The following MPHOSPH9 variants were observed in gnomAD, a reference collection of about 807,000 sequenced individuals.
MPHOSPH9 encodes M-phase phosphoprotein 9.
MPHOSPH9 carries 88 observed loss-of-function variants against 145.5 expected under a neutral mutation model. The ratio of observed to expected loss-of-function variants is 0.60; its 90% CI spans 0.51 to 0.72. The LOEUF (loss-of-function observed/expected upper bound fraction) is 0.72, where lower values mean the gene tolerates loss of function less well. Ranked by LOEUF, MPHOSPH9 falls within the 30% of genes least tolerant of loss-of-function variation. The pLI is 0.00. For missense variants in MPHOSPH9, 1,238 were observed against 1,386.6 expected, an observed-to-expected ratio of 0.89 and a Z score of 1.70; for synonymous variants, 435 against 486.2, an observed-to-expected ratio of 0.89 and a Z score of 1.39.
chr12:123,191,573 A>C (rs1331801062), intron 13 of MPHOSPH9, among the ~76,000 whole-genome samples: 1 of 152,188 alleles, frequency 6.6e-6, no homozygotes, highest in African/African-American at 2.4e-5. Context: ...GATCACAGGC[A>C]TGAGCCATCA....
chr12:123,193,553 AAGG>A (rs1169957333), intron 13 of MPHOSPH9, among the ~76,000 whole-genome samples: 1 of 152,024 alleles, frequency 6.6e-6, no homozygotes, highest in African/African-American at 2.4e-5. Context: ...AGAAGGCTGA[AAGG>A]AGAATGCTTG....
rs555615606 is a variant in MPHOSPH9, at chr12:123,169,832, T to C, written c.2457-3043A>G. Among the ~76,000 whole-genome samples the C allele has an allele frequency of 1.8e-3, 269 of 151,954 alleles. 3 individuals carry two copies. The South Asian group carries it at 0.023, about 13-fold the overall frequency. On this transcript the variant is annotated intron_variant, in intron 16 of 23. Coordinates refer to ENST00000606320, the MANE Select transcript of MPHOSPH9 (RefSeq NM_022782.4). ...GCCAAACTCCTAACCTTAAGTGATCTGCCCACCTTGGCCTCCCAAAGTGCT... is the reference window on the plus strand; with the variant it reads ...GCCAAACTCCTAACCTTAAGTGATCCGCCCACCTTGGCCTCCCAAAGTGCT...
In MPHOSPH9 at chr12:123,165,262, G is replaced by T. The variant is rs2044268510; in HGVS notation, c.2767+40C>A. On this transcript the variant is annotated intron_variant, in intron 18 of 23. Transcript: ENST00000606320. ...ACGAAGGTAATATAAATGGGGAAAA[G>T]ATATCTATATCCATCTATCTCAAAC... is the stretch of plus-strand genomic sequence containing the variant. 5 of 1,498,642 alleles carry T rather than the reference G, an allele frequency of 3.3e-6. No individual in the cohort carries two copies. The South Asian group carries it at 5.0e-5, about 15-fold the overall frequency. The allele number at this position is 1,498,642 out of a possible 1,614,324, so 92.8% of individuals were successfully genotyped here. A position where few individuals can be genotyped will look rare whatever the true frequency, so the allele number is the denominator to read the frequency against.
At chr12:123,227,913 C>T (rs1337872579) in intron 2 of MPHOSPH9, among the ~76,000 whole-genome samples, 1 of 152,194 alleles carries the variant, frequency 6.6e-6, no homozygotes, top group Non-Finnish European at 1.5e-5. Context: ...AGATTAATTT[C>T]CAGCTTCTCT....
rs1337618368 is a variant in MPHOSPH9 at position 123,221,382 on chromosome 12, T to G, written c.862A>C (p.Lys288Gln). The change falls in exon 5 of 24, where the codon AAA becomes CAA. Residue 288 changes from lysine (K) to glutamine (Q), a missense_variant. By Grantham distance (53) the Lys-to-Gln change is moderately conservative (BLOSUM62 1). Coordinates refer to ENST00000606320, the MANE Select transcript of MPHOSPH9 (RefSeq NM_022782.4). ...ENKVSEVYSG[K>Q]TNSNAITSWA... is the part of the protein sequence containing the mutation. ...AGAAATTCTACTTACCTATTTGTTT[T>G]CCCACTGTATACTTCAGAAACCTTA... 6.3e-7 allele frequency: 1 copy of G among 1,578,840 alleles called. No homozygotes were observed. Among genetic ancestry groups the G allele is most frequent in the Admixed American group, 2.0e-5 (1 of 51,004 alleles).
Position 123,202,188 on chromosome 12 carries a change from A to G in MPHOSPH9, c.1913T>C (p.Ile638Thr). 1 of 1,610,466 alleles carries G rather than the reference A, an allele frequency of 6.2e-7. No homozygotes were observed. Among genetic ancestry groups the G allele is most frequent in the Non-Finnish European group, 8.5e-7 (1 of 1,179,108 alleles). The part of the protein sequence containing the change: ...KEISGVEDWK[I>T]TNQILVDRCG... ...CCTGTCTACAAGAATTTGATTGGTT[A>G]TCTTCCAATCTTCAACTCCAGAGAT... The change falls in exon 11 of 24, where the codon ATA (isoleucine) becomes ACA (threonine). Residue 638 changes from isoleucine to threonine, a missense_variant. This residue lies in a region of MPHOSPH9 where 837 missense variants were observed against 897.5 expected (regional missense o/e 0.93). Transcript: ENST00000606320.
At chr12:123,182,160 T>C (rs1481423447) in intron 13 of MPHOSPH9, among the ~76,000 whole-genome samples, 1 of 151,334 alleles carries the variant, frequency 6.6e-6, no homozygotes, top group Non-Finnish European at 1.5e-5. Context: ...AGGATGGTCT[T>C]GATCTCTTGA....
upstream of MPHOSPH9, among the ~76,000 whole-genome samples, chr12:123,235,159 C>T (rs2047825001): frequency 6.6e-6 from 1 of 152,172 alleles, no homozygotes. Flanking sequence ...TTAGTGACCA[C>T]TAAGTACTTT....
chr12:123,218,926 C>T (rs1565966616), intron 5 of MPHOSPH9, among the ~76,000 whole-genome samples: 2 of 151,566 alleles, frequency 1.3e-5, no homozygotes, highest in Admixed American at 6.6e-5. Flanking sequence ...TTTTAGAGAC[C>T]CTCTCTGTCA....
intron 4 of MPHOSPH9, 24 bp downstream of exon 4, chr12:123,223,014 G>A: frequency 7.2e-7 from 1 of 1,393,864 alleles, no homozygotes; most frequent in Non-Finnish European, 9.7e-7. Context: ...ATAAAAAAAG[G>A]AATCAATGTA....
upstream of MPHOSPH9, among the ~76,000 whole-genome samples, chr12:123,234,184 G>A (rs1418649117): frequency 6.6e-6 from 1 of 152,122 alleles, no homozygotes; most frequent in Non-Finnish European, 1.5e-5. Context: ...ACATTCTTCA[G>A]CATAGTTAAC....
chr12:123,213,512 ACTCTTTTGTAGAGATGGGGT>A (rs2046833864), intron 7 of MPHOSPH9, among the ~76,000 whole-genome samples: 1 of 151,158 alleles, frequency 6.6e-6, no homozygotes, highest in African/African-American at 2.4e-5. Flanking sequence ...TAATTTTTTG[ACTCTTTTGTAGAGATGGGGT>A]CTCAACTTGT....
chr12:123,172,902 G>C (rs1439042905), intron 16 of MPHOSPH9, among the ~76,000 whole-genome samples: 1 of 18,946 alleles, frequency 5.3e-5, no homozygotes, highest in Non-Finnish European at 2.7e-4. Context: ...TTTTTTTTGA[G>C]ACAGAGCGGT....
At chr12:123,217,174 G>A (rs773468714) in intron 6 of MPHOSPH9, among the ~76,000 whole-genome samples, 138 of 151,610 alleles carry the variant, frequency 9.1e-4, no homozygotes, top group Non-Finnish European at 1.5e-3. Context: ...TCACAATTTG[G>A]ATTATAATTC....
intron 8 of MPHOSPH9, among the ~76,000 whole-genome samples, chr12:123,208,124 A>G (rs1359395331): frequency 6.7e-6 from 1 of 148,228 alleles, no homozygotes; most frequent in African/African-American, 2.5e-5. Flanking sequence ...AGGCTGAGGC[A>G]GGAGAATCAC....
intron 14 of MPHOSPH9, 64 bp from the exon 15 acceptor site, chr12:123,180,054 T>C (rs2045057594): frequency 3.3e-6 from 3 of 902,808 alleles, no homozygotes; most frequent in Middle Eastern, 5.2e-4. Flanking sequence ...TATTTTAAAA[T>C]GCATAAAAGA....
At chr12:123,226,916 C>T (rs1013863325) in intron 3 of MPHOSPH9, among the ~76,000 whole-genome samples, 3 of 152,176 alleles carry the variant, frequency 2.0e-5, no homozygotes, top group East Asian at 3.8e-4. Flanking sequence ...GGATTACAGG[C>T]GTGAGCCACT....
rs35626958 is a variant in MPHOSPH9 at position 123,208,188 on chromosome 12, C to CA, written c.1194+1867dup. ...TAAGTGACAGACTGAGACTCCGTCT[C>CA]AAAAAAAAAAAAAAAAAAAAATTTT... On this transcript the variant is annotated intron_variant, in intron 8 of 23. Coordinates refer to ENST00000606320, the MANE Select transcript of MPHOSPH9 (RefSeq NM_022782.4). Among the ~76,000 whole-genome samples the CA allele has an allele frequency of 8.7e-3, 738 of 85,012 alleles. 14 individuals are homozygous for CA. The highest frequency in any genetic ancestry group is 0.026 in the African/African-American group (570 of 22,286). The allele number at this position is 85,012 out of a possible 152,430, so 55.8% of individuals were successfully genotyped here. A position where few individuals can be genotyped will look rare whatever the true frequency, so the allele number is the denominator to read the frequency against.
chr12:123,204,850 T>C (rs1188153756), intron 8 of MPHOSPH9, among the ~76,000 whole-genome samples: 1 of 152,056 alleles, frequency 6.6e-6, no homozygotes, highest in Non-Finnish European at 1.5e-5. Context: ...ACTCCTTCAC[T>C]CTAGCCTGGG....
Sources: gnomAD v4.1 joint callset for allele counts (sites outside exome capture counted in the v4.1 genomes callset) on GRCh38, gnomAD v4.1.1 for gene constraint, gnomAD v4.1.1 regional missense constraint, MANE v1.5 for transcripts, NCBI Gene and HGNC (gene_info 2026-07-23, HGNC 2026-07-21) for gene names.